THOC7: variants seen among roughly 807,000 people sequenced by gnomAD.
The protein encoded by THOC7 is NIF3L1-binding protein 1.
THOC7 carries 22 observed loss-of-function variants against 33.1 expected under a neutral mutation model. The observed-to-expected ratio is 0.66, with a 90% confidence interval of 0.47 to 0.95. The LOEUF is 0.95. Among genes scored for constraint, THOC7 ranks in the 40% least tolerant of loss-of-function variants. THOC7 has a pLI of 0.00. For missense variants in THOC7, 184 were observed against 245.3 expected, an observed-to-expected ratio of 0.75 and a Z score of 1.67; for synonymous variants, 77 against 76.8, an observed-to-expected ratio of 1.00 and a Z score of -0.01.
intron 1 of THOC7, among the ~76,000 whole-genome samples, chr3:63,846,786 C>A (rs1234015661): frequency 1.3e-5 from 2 of 152,054 alleles, no homozygotes; most frequent in Non-Finnish European, 2.9e-5. Flanking sequence ...TAGGGAGCCC[C>A]ACATGGATGA....
chr3:63,853,964 T>TA (rs1702064377), intron 1 of THOC7, among the ~76,000 whole-genome samples: 1 of 151,742 alleles, frequency 6.6e-6, no homozygotes, highest in Admixed American at 6.6e-5. Flanking sequence ...AAAGTCAGAG[T>TA]AAATGTTGAA....
intron 2 of THOC7, among the ~76,000 whole-genome samples, chr3:63,838,730 A>T (rs1437113004): frequency 6.6e-6 from 1 of 152,152 alleles, no homozygotes; most frequent in Non-Finnish European, 1.5e-5. Context: ...TGTTCTTATC[A>T]ATGCACATTT....
At position 63,863,520 on chromosome 3, in the gene THOC7, G is replaced by A. The variant is rs1575820844; in HGVS notation, c.19+252C>T. ...CCGGCACACCCTATAGCCCCGCGCT[G>A]CCTCCGGGAGAGCGGACGGGGAAAG... On this transcript the variant is annotated intron_variant, in intron 1 of 7. Transcript: ENST00000295899. The A allele has an allele frequency of 5.9e-6, 7 of 1,190,332 alleles. No homozygotes were observed. In the South Asian group the frequency reaches 1.3e-4, roughly 22 times the overall value. 73.7% of individuals were successfully genotyped at this position (1,190,332 alleles called of 1,614,324 possible). A position where few individuals can be genotyped will look rare whatever the true frequency, so the allele number is the denominator to read the frequency against.
At chr3:63,861,393 TC>T (rs1253160717) in intron 1 of THOC7, 1 of 152,186 alleles carries the variant, frequency 6.6e-6, no homozygotes, top group Non-Finnish European at 1.5e-5. Flanking sequence ...TCATCCTAAA[TC>T]CCTTCTCCCA....
chr3:63,856,954 G>C (rs536315875), intron 1 of THOC7, among the ~76,000 whole-genome samples: 1 of 152,252 alleles, frequency 6.6e-6, no homozygotes, highest in South Asian at 2.1e-4. Context: ...GCCTGACCTC[G>C]TGACCTACCC....
intron 1 of THOC7, among the ~76,000 whole-genome samples, chr3:63,859,626 T>G (rs1702169965): frequency 6.6e-6 from 1 of 152,264 alleles, no homozygotes; most frequent in East Asian, 1.9e-4. Context: ...ACATTCCTTT[T>G]CAGAAATTAT....
At position 63,863,502 on chromosome 3, in the gene THOC7, A is replaced by C. The variant is rs1575820816; in HGVS notation, c.19+270T>G. On this transcript the variant is annotated intron_variant, in intron 1 of 7. Transcript: ENST00000295899. ...AGCCCACCGACCACGCTCCCGGCAC[A>C]CCCTATAGCCCCGCGCTGCCTCCGG... The C allele has an allele frequency of 3.4e-6, 4 of 1,182,774 alleles. No individual in the cohort carries two copies. In the African/African-American group the frequency reaches 4.8e-5, roughly 14 times the overall value. The allele number at this position is 1,182,774 out of a possible 1,614,324, so 73.3% of individuals were successfully genotyped here. A position where few individuals can be genotyped will look rare whatever the true frequency, so the allele number is the denominator to read the frequency against.
chr3:63,863,900 A>C (rs1190001149), upstream of THOC7: 3 of 1,101,692 alleles, frequency 2.7e-6, no homozygotes, highest in Non-Finnish European at 2.2e-6. Flanking sequence ...ATGGAGGAGG[A>C]GGCGGCGGCG....
In THOC7 at chr3:63,863,525, C is replaced by G. The variant is rs1299925540; in HGVS notation, c.19+247G>C. The G allele has an allele frequency of 8.4e-6, 10 of 1,191,942 alleles. No homozygotes were observed. In the East Asian group the frequency reaches 3.2e-4, roughly 38 times the overall value. 73.8% of individuals were successfully genotyped at this position (1,191,942 alleles called of 1,614,324 possible). A position where few individuals can be genotyped will look rare whatever the true frequency, so the allele number is the denominator to read the frequency against. ...ACACCCTATAGCCCCGCGCTGCCTCCGGGAGAGCGGACGGGGAAAGCCGAG... is the reference window on the plus strand; with the variant it reads ...ACACCCTATAGCCCCGCGCTGCCTCGGGGAGAGCGGACGGGGAAAGCCGAG... On this transcript the variant is annotated intron_variant, in intron 1 of 7. Coordinates refer to ENST00000295899, the MANE Select transcript of THOC7 (RefSeq NM_025075.4).
At chr3:63,855,326 G>A (rs530727719) in intron 1 of THOC7, among the ~76,000 whole-genome samples, 2 of 152,244 alleles carry the variant, frequency 1.3e-5, no homozygotes, top group South Asian at 4.2e-4. Context: ...CATTTATGCT[G>A]AAATGTAAAT....
chr3:63,863,951 GCGC>G (rs1161401026), upstream of THOC7: 78 of 81,100 alleles, frequency 9.6e-4, no homozygotes, highest in East Asian at 2.7e-3. Context: ...GCGCCGCGCC[GCGC>G]CGCCGCCGCC....
chr3:63,852,351 G>C (rs893702992), intron 1 of THOC7, among the ~76,000 whole-genome samples: 4 of 152,188 alleles, frequency 2.6e-5, no homozygotes, highest in African/African-American at 9.7e-5. Context: ...CACCAAGAGA[G>C]AAGGCAGTAT....
chr3:63,836,972 C>T (rs1454725247), intron 4 of THOC7, among the ~76,000 whole-genome samples: 1 of 151,562 alleles, frequency 6.6e-6, no homozygotes, highest in Non-Finnish European at 1.5e-5. Flanking sequence ...TTTTAGATGA[C>T]TTTAGAACTG....
intron 1 of THOC7, among the ~76,000 whole-genome samples, chr3:63,861,165 G>A (rs911992115): frequency 2.0e-5 from 3 of 152,060 alleles, no homozygotes; most frequent in South Asian, 2.1e-4. Context: ...TATTATCTCC[G>A]TTCAGAGACT....
chr3:63,854,008 A>T (rs1177452390), intron 1 of THOC7, among the ~76,000 whole-genome samples: 2 of 152,202 alleles, frequency 1.3e-5, no homozygotes, highest in African/African-American at 4.8e-5. Flanking sequence ...GTAGATACAT[A>T]TTAGGCATTT....
intron 1 of THOC7, among the ~76,000 whole-genome samples, chr3:63,858,802 C>G (rs1702157030): frequency 6.6e-6 from 1 of 152,192 alleles, no homozygotes; most frequent in Non-Finnish European, 1.5e-5. Context: ...GACTGCAAGT[C>G]ACTAACTTCC....
chr3:63,845,041 G>T, intron 1 of THOC7: 2 of 699,896 alleles, frequency 2.9e-6, no homozygotes, highest in Non-Finnish European at 5.2e-6. Flanking sequence ...AAAAGGACCT[G>T]GAGACAGCTG....
At chr3:63,851,896 T>C (rs1416641851) in intron 1 of THOC7, among the ~76,000 whole-genome samples, 1 of 152,108 alleles carries the variant, frequency 6.6e-6, no homozygotes, top group Non-Finnish European at 1.5e-5. Flanking sequence ...AACTAAAAAA[T>C]AACCTTCAAG....
chr3:63,861,251 A>G (rs1575817885), intron 1 of THOC7, among the ~76,000 whole-genome samples: 3 of 152,160 alleles, frequency 2.0e-5, no homozygotes, highest in Admixed American at 6.6e-5. Flanking sequence ...ACTTGACTGC[A>G]GTCATTACTT....
Sources: allele counts gnomAD v4.1 joint callset (sites outside exome capture counted in the v4.1 genomes callset), GRCh38; gene constraint gnomAD v4.1.1; transcripts MANE v1.5; gene names NCBI Gene and HGNC (gene_info 2026-07-23, HGNC 2026-07-21).